MCTP1: variants seen among roughly 807,000 people sequenced by gnomAD.
MCTP1 encodes the protein multiple C2 and transmembrane domain-containing protein 1.
A neutral mutation model predicts 120.6 loss-of-function variants in MCTP1; 69 were observed. The ratio of observed to expected loss-of-function variants is 0.57; its 90% CI spans 0.47 to 0.70. MCTP1 has a LOEUF of 0.70. MCTP1 is among the 30% of genes least tolerant of loss of function. MCTP1 has a pLI of 0.00. For missense variants in MCTP1, 1,203 were observed against 1,248.8 expected, an observed-to-expected ratio of 0.96 and a Z score of 0.55; for synonymous variants, 529 against 493.1, an observed-to-expected ratio of 1.07 and a Z score of -0.96.
intron 1 of MCTP1, among the ~76,000 whole-genome samples, chr5:95,164,291 T>C (rs867828196): frequency 1.4e-5 from 2 of 142,876 alleles, no homozygotes; most frequent in Non-Finnish European, 3.1e-5. Flanking sequence ...TTTCCTTTCT[T>C]ATTCACATCA....
chr5:95,021,906 C>A (rs992995223), intron 1 of MCTP1, among the ~76,000 whole-genome samples: 8 of 152,026 alleles, frequency 5.3e-5, no homozygotes, highest in African/African-American at 1.9e-4. Flanking sequence ...GAAGCTTAGG[C>A]TTTTTCTTCT....
intron 2 of MCTP1, among the ~76,000 whole-genome samples, chr5:94,992,378 T>A (rs541171232): frequency 5.9e-5 from 9 of 152,264 alleles, no homozygotes; most frequent in African/African-American, 2.2e-4. Context: ...ATGTGTAGAA[T>A]CCCATCTACT....
chr5:94,907,816 G>A (rs1309827919), intron 10 of MCTP1, among the ~76,000 whole-genome samples: 1 of 151,940 alleles, frequency 6.6e-6, no homozygotes. Flanking sequence ...GAAGGGATAT[G>A]AAGGAATGTA....
intron 1 of MCTP1, among the ~76,000 whole-genome samples, chr5:95,140,286 C>T (rs1309455238): frequency 6.6e-6 from 1 of 152,152 alleles, no homozygotes; most frequent in African/African-American, 2.4e-5. Context: ...TCCTCATCTG[C>T]AACCCGGGAC....
At chr5:95,075,915 T>C (rs78660256) in intron 1 of MCTP1, among the ~76,000 whole-genome samples, 2,664 of 152,258 alleles carry the variant, frequency 0.017, 75 homozygotes, top group African/African-American at 0.061. Context: ...TTAAAACCAG[T>C]AATAAGGCTA....
In MCTP1 at chr5:94,897,644, C is replaced by T. The variant is rs1804408526; in HGVS notation, c.1653-2809G>A. Among the ~76,000 whole-genome samples, 3 of 152,142 alleles carry T rather than the reference C, an allele frequency of 2.0e-5. No individual in the cohort carries two copies. In the South Asian group the frequency reaches 6.2e-4, roughly 31 times the overall value. ...CCTCCCAAAGTGCTGGGATTACAGG[C>T]ATGAGCCACTGCACCCAGCCGACTT... is the stretch of plus-strand genomic sequence containing the variant. On this transcript the variant is annotated intron_variant, in intron 10 of 22. Coordinates refer to ENST00000515393, the MANE Select transcript of MCTP1 (RefSeq NM_024717.7).
chr5:94,999,027 C>T (rs1242657449), intron 2 of MCTP1, among the ~76,000 whole-genome samples: 1 of 152,190 alleles, frequency 6.6e-6, no homozygotes, highest in African/African-American at 2.4e-5. Context: ...CTCTTCCTTC[C>T]TCCAGGGATC....
intron 1 of MCTP1, among the ~76,000 whole-genome samples, chr5:95,086,891 CTT>C (rs1257420663): frequency 6.6e-6 from 1 of 152,150 alleles, no homozygotes; most frequent in Non-Finnish European, 1.5e-5. Context: ...AAAATAAACT[CTT>C]GTTCCTTAAA....
At chr5:95,074,987 G>A (rs1185617778) in intron 1 of MCTP1, among the ~76,000 whole-genome samples, 2 of 152,154 alleles carry the variant, frequency 1.3e-5, no homozygotes, top group Non-Finnish European at 2.9e-5. Context: ...GTATAATTTT[G>A]GAAAAGTCAT....
chr5:94,750,836 T>C (rs1449191615), intron 19 of MCTP1, among the ~76,000 whole-genome samples: 1 of 152,142 alleles, frequency 6.6e-6, no homozygotes, highest in Non-Finnish European at 1.5e-5. Context: ...ACAGAGAATA[T>C]GGCAAAAGGG....
At chr5:94,983,399 A>G (rs1829835801) in intron 2 of MCTP1, among the ~76,000 whole-genome samples, 1 of 152,228 alleles carries the variant, frequency 6.6e-6, no homozygotes, top group African/African-American at 2.4e-5. Flanking sequence ...TAGTTAGAGG[A>G]ATAAAAAAGT....
chr5:95,009,051 GGAGAAAGAGAGAGAGAGA>G (rs1269130171), intron 2 of MCTP1, among the ~76,000 whole-genome samples: 396 of 78,126 alleles, frequency 5.1e-3, no homozygotes, highest in Middle Eastern at 7.1e-3. Flanking sequence ...AGTGAGAGAG[GGAGAAAGAGAGAGAGAGA>G]GAGAGAGAGA....
chr5:95,135,601 G>A (rs185189305), intron 1 of MCTP1, among the ~76,000 whole-genome samples: 5 of 152,300 alleles, frequency 3.3e-5, no homozygotes, highest in African/African-American at 1.2e-4. Flanking sequence ...AAGCAAGACT[G>A]GCCTAGCCTC....
intron 10 of MCTP1, among the ~76,000 whole-genome samples, chr5:94,895,247 C>T (rs892869290): frequency 6.6e-6 from 1 of 152,184 alleles, no homozygotes; most frequent in Non-Finnish European, 1.5e-5. Flanking sequence ...GTTTTCCCCT[C>T]ATTCGTAAAT....
chr5:94,947,017 C>A (rs1043021843), intron 3 of MCTP1, among the ~76,000 whole-genome samples: 3 of 152,176 alleles, frequency 2.0e-5, no homozygotes, highest in Non-Finnish European at 4.4e-5. Context: ...ATTTCTTCAA[C>A]CTCTGTCTTC....
chr5:95,064,216 G>T (rs1406156176), intron 1 of MCTP1, among the ~76,000 whole-genome samples: 1 of 152,202 alleles, frequency 6.6e-6, no homozygotes, highest in Non-Finnish European at 1.5e-5. Context: ...AAAAGTTTAT[G>T]TAAGAACAGC....
chr5:94,804,648 C>G (rs1781930333), intron 17 of MCTP1, among the ~76,000 whole-genome samples: 1 of 152,178 alleles, frequency 6.6e-6, no homozygotes, highest in African/African-American at 2.4e-5. Context: ...CTGTGTTAGT[C>G]AGGATGGTCT....
At chr5:94,740,606 T>G (rs929022412) in intron 19 of MCTP1, among the ~76,000 whole-genome samples, 1 of 152,196 alleles carries the variant, frequency 6.6e-6, no homozygotes, top group Non-Finnish European at 1.5e-5. Context: ...TTAATATGAA[T>G]AGAGACATTA....
intron 1 of MCTP1, among the ~76,000 whole-genome samples, chr5:95,232,544 C>T (rs570977022): frequency 1.8e-4 from 27 of 151,410 alleles, no homozygotes; most frequent in Admixed American, 5.9e-4. Flanking sequence ...CTGCAAGCTC[C>T]GCCTCCCAGG....
Sources: gnomAD v4.1 joint callset for allele counts (sites outside exome capture counted in the v4.1 genomes callset) on GRCh38, gnomAD v4.1.1 for gene constraint, MANE v1.5 for transcripts, NCBI Gene and HGNC (gene_info 2026-07-23, HGNC 2026-07-21) for gene names.